Variants in C1orf185 observed in about 807,000 individuals in gnomAD.
C1orf185 encodes the protein uncharacterized protein C1orf185.
A neutral mutation model predicts 16.1 loss-of-function variants in C1orf185; 13 were observed. The ratio of observed to expected loss-of-function variants is 0.81; its 90% confidence interval spans 0.53 to 1.28. The LOEUF (loss-of-function observed/expected upper bound fraction) is 1.28. C1orf185 is among the 50% of genes most tolerant of loss of function. The pLI is 0.00. For synonymous variants in C1orf185, 80 were observed against 76.9 expected (o/e 1.04, Z -0.21); for missense variants, 220 against 225.2 (o/e 0.98, Z 0.15).
At chr1:51,124,554 C>A (rs577030057) in intron 3 of C1orf185, among the ~76,000 whole-genome samples, 1 of 152,306 alleles carries the variant, frequency 6.6e-6, no homozygotes, top group Non-Finnish European at 1.5e-5. Context: ...ATAGGCAGCA[C>A]ATCCAGAGAC....
At chr1:51,105,111 C>T (rs184259603) in intron 1 of C1orf185, among the ~76,000 whole-genome samples, 45 of 152,106 alleles carry the variant, frequency 3.0e-4, no homozygotes, top group African/African-American at 8.0e-4. Context: ...ATATGTGCCA[C>T]GACGTCTGGC....
intron 1 of C1orf185, among the ~76,000 whole-genome samples, chr1:51,108,441 TTCTTA>T (rs1646089639): frequency 6.6e-6 from 1 of 152,218 alleles, no homozygotes; most frequent in Non-Finnish European, 1.5e-5. Flanking sequence ...AACATTACAA[TTCTTA>T]TCTTCTAGCT....
chr1:51,123,130 T>G (rs528421940), intron 3 of C1orf185, among the ~76,000 whole-genome samples: 41 of 152,302 alleles, frequency 2.7e-4, no homozygotes, highest in Non-Finnish European at 5.9e-4. Flanking sequence ...AGGGGCTGAG[T>G]GTGCTAGTTC....
At chr1:51,140,908 A>G (rs1271800039) in intron 3 of C1orf185, among the ~76,000 whole-genome samples, 1 of 151,966 alleles carries the variant, frequency 6.6e-6, no homozygotes, top group Non-Finnish European at 1.5e-5. Context: ...TTTTATTAAT[A>G]TTTTCAAAGA....
At chr1:51,122,409 A>T (rs945552654) in intron 3 of C1orf185, among the ~76,000 whole-genome samples, 1 of 152,154 alleles carries the variant, frequency 6.6e-6, no homozygotes, top group African/African-American at 2.4e-5. Context: ...AACCTAATGG[A>T]TGTGTAACAG....
intron 3 of C1orf185, among the ~76,000 whole-genome samples, chr1:51,139,417 T>G (rs1425220143): frequency 6.6e-6 from 1 of 152,232 alleles, no homozygotes; most frequent in African/African-American, 2.4e-5. Context: ...TTTTCTTTCC[T>G]ATACTGTGCT....
chr1:51,108,690 T>G (rs1646091528), intron 1 of C1orf185, among the ~76,000 whole-genome samples: 1 of 152,206 alleles, frequency 6.6e-6, no homozygotes, highest in Admixed American at 6.5e-5. Flanking sequence ...TTTGTCTTTC[T>G]GTTCCTGGCT....
intron 3 of C1orf185, among the ~76,000 whole-genome samples, chr1:51,141,762 C>T (rs1646366148): frequency 6.6e-6 from 1 of 151,710 alleles, no homozygotes; most frequent in Non-Finnish European, 1.5e-5. Context: ...TGAAGATACT[C>T]TCTCATATTA....
downstream of C1orf185, among the ~76,000 whole-genome samples, chr1:51,152,221 A>T (rs1334103606): frequency 6.6e-6 from 1 of 152,186 alleles, no homozygotes; most frequent in Non-Finnish European, 1.5e-5. Context: ...CACTGAAAAG[A>T]ACTGGACATA....
At chr1:51,130,163 A>T (rs1274181745) in intron 3 of C1orf185, among the ~76,000 whole-genome samples, 1 of 152,178 alleles carries the variant, frequency 6.6e-6, no homozygotes, top group Non-Finnish European at 1.5e-5. Context: ...TTCTGTAGAG[A>T]TAAGTTTTCA....
At chr1:51,150,330 C>G (rs1458345196), downstream of C1orf185, among the ~76,000 whole-genome samples, 2 of 151,814 alleles carry the variant, frequency 1.3e-5, no homozygotes, top group Non-Finnish European at 2.9e-5. Context: ...GTAGCTGGGA[C>G]TACAGACATG....
intron 3 of C1orf185, among the ~76,000 whole-genome samples, chr1:51,121,666 A>G (rs1646198460): frequency 6.6e-6 from 1 of 152,120 alleles, no homozygotes; most frequent in Non-Finnish European, 1.5e-5. Context: ...GCAGACCTCT[A>G]TGGGGCAGGA....
intron 3 of C1orf185, among the ~76,000 whole-genome samples, chr1:51,132,020 A>G (rs1646289208): frequency 6.6e-6 from 1 of 152,204 alleles, no homozygotes; most frequent in Non-Finnish European, 1.5e-5. Flanking sequence ...AAAATATTCT[A>G]GAAATGAAGC....
intron 3 of C1orf185, among the ~76,000 whole-genome samples, chr1:51,136,638 A>G (rs1646327145): frequency 6.6e-6 from 1 of 152,196 alleles, no homozygotes; most frequent in Admixed American, 6.5e-5. Context: ...AACCTGACAA[A>G]AACAAGCAAT....
At chr1:51,110,249 A>G (rs1646106228) in intron 1 of C1orf185, among the ~76,000 whole-genome samples, 1 of 152,204 alleles carries the variant, frequency 6.6e-6, no homozygotes, top group Non-Finnish European at 1.5e-5. Flanking sequence ...TTTATAAAGC[A>G]CTTTGAATAG....
chr1:51,146,352 G>A (rs1384279262), intron 4 of C1orf185, among the ~76,000 whole-genome samples: 1 of 151,754 alleles, frequency 6.6e-6, no homozygotes, highest in Non-Finnish European at 1.5e-5. Context: ...CCAGCTACTT[G>A]GGAGGCTGGG....
At chr1:51,132,811 G>A (rs1557650459) in intron 3 of C1orf185, among the ~76,000 whole-genome samples, 2 of 151,982 alleles carry the variant, frequency 1.3e-5, no homozygotes. Context: ...CAGCTAGAGA[G>A]AAAAGTCAGG....
Position 51,118,675 on chromosome 1 carries a change from TC to T in C1orf185, c.133del (p.Gln45LysfsTer53). The T allele has an allele frequency of 7.1e-7, 1 of 1,404,748 alleles. No individual in the cohort carries two copies. Among genetic ancestry groups the T allele is most frequent in the Non-Finnish European group, 9.4e-7 (1 of 1,060,402 alleles). The allele number at this position is 1,404,748 out of a possible 1,614,324, so 87.0% of individuals were successfully genotyped here. ...ATAAAATATTTTTCAGAGAAATATT[TC>T]AAAATTCCAAATTTAAAGCAATTGA... ...FLICKRREIFQNSKFKAIDER... is the reference protein window; with the variant it reads ...FLICKRREIFXNSKFKAIDER... On this transcript the variant is annotated frameshift_variant, in exon 3 of 5. Coordinates refer to ENST00000371759, the MANE Select transcript of C1orf185 (RefSeq NM_001136508.2). LOFTEE classifies it high-confidence loss of function.
chr1:51,131,290 A>G (rs1646283396), intron 3 of C1orf185, among the ~76,000 whole-genome samples: 1 of 152,188 alleles, frequency 6.6e-6, no homozygotes, highest in Admixed American at 6.5e-5. Flanking sequence ...TTATTTGTTG[A>G]AAAAGTAAAC....
Sources: allele counts gnomAD v4.1 joint callset (sites outside exome capture counted in the v4.1 genomes callset), GRCh38; gene constraint gnomAD v4.1.1; transcripts MANE v1.5; gene names NCBI Gene and HGNC (gene_info 2026-07-23, HGNC 2026-07-21).